The following SPDYE5 variants were observed in gnomAD, a reference collection of about 807,000 sequenced individuals.
SPDYE5 encodes speedy protein E5.
A neutral mutation model predicts 48.5 loss-of-function variants in SPDYE5; 15 were observed. The observed-to-expected ratio is 0.31, with a 90% confidence interval of 0.21 to 0.48. The LOEUF is 0.48. Ranked by LOEUF, SPDYE5 falls within the 20% of genes least tolerant of loss-of-function variation. The pLI is 0.99. For missense variants in SPDYE5, 331 were observed against 549.1 expected (o/e 0.60, Z 3.97); for synonymous variants, 116 against 200.7 (o/e 0.58, Z 3.57).
intron 3 of SPDYE5, 143 bp from the exon 4 acceptor site, chr7:75,496,531 G>C: frequency 8.6e-7 from 1 of 1,163,542 alleles, no homozygotes; most frequent in Admixed American, 2.0e-5. Context: ...CTCAGCAGAG[G>C]AGACAGACAG....
rs377104065 is a variant in SPDYE5 at position 75,501,618 on chromosome 7, C to G, written c.1012C>G (p.Arg338Gly). The G allele has an allele frequency of 1.2e-5, 20 of 1,607,846 alleles. No individual in the cohort carries two copies. Among genetic ancestry groups the G allele is most frequent in the Non-Finnish European group, 1.7e-5 (20 of 1,177,088 alleles). ...RSRIPLLRKR[R>G]FQLGRSMNLR... ...TCGCATACCCTTGCTCCGTAAGCGT[C>G]GGTTCCAGTTAGGCCGTTCCATGAA... Residue 338 changes from arginine (R) to glycine (G), a missense_variant, in exon 7 of 9, where the codon CGG becomes GGG. Transcript: ENST00000625065.
intron 8 of SPDYE5, among the ~76,000 whole-genome samples, chr7:75,502,364 T>G (rs1793190667): frequency 6.6e-6 from 1 of 151,932 alleles, no homozygotes; most frequent in Non-Finnish European, 1.5e-5. Flanking sequence ...GTTTACATCT[T>G]GTGCAGCTAA....
intron 1 of SPDYE5, among the ~76,000 whole-genome samples, 163 bp from the exon 2 acceptor site, chr7:75,493,464 T>G (rs1480376541): frequency 6.7e-6 from 1 of 149,072 alleles, no homozygotes; most frequent in Non-Finnish European, 1.5e-5. Flanking sequence ...TGCTCTGATG[T>G]GACTTTTTCA....
intron 7 of SPDYE5, 40 bp from the exon 8 acceptor site, chr7:75,501,838 G>A (rs1554483623): frequency 6.2e-7 from 1 of 1,612,056 alleles, no homozygotes. Flanking sequence ...GGGGTATCCT[G>A]GCGAGTCCCC....
chr7:75,501,439 G>A lies in SPDYE5; in HGVS notation c.833G>A (p.Arg278His), dbSNP rs782605932. 7 of 1,610,856 alleles carry A rather than the reference G, an allele frequency of 4.3e-6. No homozygotes were observed. Among genetic ancestry groups the A allele is most frequent in the South Asian group, 3.3e-5 (3 of 90,990 alleles). ...NIFHFLYGKN[R>H]SRIPLLRKRW... Reference sequence around the variant, plus strand: ...TTCCACTTCCTGTATGGGAAGAACCGCTCTCGCATACCCTTGCTCCGTAAG... The same window carrying A: ...TTCCACTTCCTGTATGGGAAGAACCACTCTCGCATACCCTTGCTCCGTAAG... The change falls in exon 7 of 9, where the codon CGC becomes CAC. Residue 278 changes from arginine (R) to histidine (H), a missense_variant. Transcript: ENST00000625065.
intron 5 of SPDYE5, among the ~76,000 whole-genome samples, 173 bp downstream of exon 5, chr7:75,498,169 T>C (rs1360215625): frequency 7.3e-6 from 1 of 137,786 alleles, no homozygotes; most frequent in Non-Finnish European, 1.5e-5. Context: ...CTGTTGCCCA[T>C]GCTGGAGGGC....
At chr7:75,494,306 G>A (rs1792843236) in intron 2 of SPDYE5, 99 bp downstream of exon 2, 1 of 1,480,746 alleles carries the variant, frequency 6.8e-7, no homozygotes, top group Non-Finnish European at 9.0e-7. Context: ...AGCACTTTGG[G>A]AGGCCGAGGC....
At chr7:75,499,836 T>A (rs1156769183) in intron 6 of SPDYE5, among the ~76,000 whole-genome samples, 15 of 41,742 alleles carry the variant, frequency 3.6e-4, no homozygotes, top group Middle Eastern at 0.014. Context: ...AATAAAAGAA[T>A]AAAACAAAAG....
chr7:75,495,503 G>A (rs1554482402), intron 3 of SPDYE5, 129 bp downstream of exon 3: 1 of 1,533,188 alleles, frequency 6.5e-7, no homozygotes, highest in East Asian at 2.4e-5. Flanking sequence ...GGAGGACTCA[G>A]AAGTGATCAC....
chr7:75,497,346 T>C (rs1197297341), intron 4 of SPDYE5, among the ~76,000 whole-genome samples: 6 of 151,230 alleles, frequency 4.0e-5, no homozygotes, highest in South Asian at 2.1e-4. Flanking sequence ...GACAGGAGAA[T>C]CGCTTAAACC....
chr7:75,502,997 C>T lies in SPDYE5; in HGVS notation c.*210C>T. On this transcript the variant is annotated 3_prime_UTR_variant, in exon 9 of 9. Transcript: ENST00000625065. ...AGTGATCACGTTGTCCTCCTAGGAGCAGGGGTGGGGGGAGGGGGGTGGGGT... is the reference window on the plus strand; with the variant it reads ...AGTGATCACGTTGTCCTCCTAGGAGTAGGGGTGGGGGGAGGGGGGTGGGGT... The T allele has an allele frequency of 2.4e-6, 1 of 414,878 alleles. No homozygotes were observed. Among genetic ancestry groups the T allele is most frequent in the East Asian group, 7.1e-5 (1 of 14,088 alleles). 25.7% of individuals were successfully genotyped at this position (414,878 alleles called of 1,614,324 possible).
intron 6 of SPDYE5, among the ~76,000 whole-genome samples, chr7:75,499,906 C>G (rs1392620266): frequency 1.4e-5 from 2 of 141,094 alleles, no homozygotes; most frequent in East Asian, 4.2e-4. Context: ...CATGCCGCTT[C>G]CTCCAGCAAG....
chr7:75,494,188 T>G lies in SPDYE5; in HGVS notation c.141T>G (p.Asp47Glu), dbSNP rs1374964674. 6.5e-7 allele frequency: 1 copy of G among 1,534,548 alleles called. No individual in the cohort carries two copies. Among genetic ancestry groups the G allele is most frequent in the Non-Finnish European group, 8.7e-7 (1 of 1,146,600 alleles). Residue 47 changes from aspartate to glutamate, a missense_variant, in exon 2 of 9, where the codon GAT (aspartate) becomes GAG (glutamate). Physicochemically the swap from Asp to Glu is conservative, Grantham distance 45. Coordinates refer to ENST00000625065, the MANE Select transcript of SPDYE5 (RefSeq NM_001306141.4). ...SGYPLQEVVD[D>E]EVLGPSAPGV... ...ACCCCCTCCAGGAGGTGGTGGATGA[T>G]GAAGTGTTGGGACCATCAGGTGAGG...
In SPDYE5 at chr7:75,503,886, A is replaced by C. The variant is rs1554483988; in HGVS notation, c.*1099A>C. ...TTTTTGAATAGATGCTGTTTCTATA[A>C]AGCTGTGTGATGGGTGTTATAACTG... is the stretch of plus-strand genomic sequence containing the variant. On this transcript the variant is annotated 3_prime_UTR_variant, in exon 9 of 9. Coordinates refer to ENST00000625065, the MANE Select transcript of SPDYE5 (RefSeq NM_001306141.4). 1 of 151,562 alleles carries C rather than the reference A, an allele frequency of 6.6e-6. No homozygotes were observed. Among genetic ancestry groups the C allele is most frequent in the African/African-American group, 2.4e-5 (1 of 41,314 alleles). 9.4% of individuals were successfully genotyped at this position (151,562 alleles called of 1,614,324 possible). A position where few individuals can be genotyped will look rare whatever the true frequency, so the allele number is the denominator to read the frequency against.
chr7:75,502,031 G>C (rs1793178905), intron 8 of SPDYE5, 49 bp downstream of exon 8: 1 of 1,527,850 alleles, frequency 6.5e-7, no homozygotes, highest in Admixed American at 1.9e-5. Flanking sequence ...GGTCTATTTC[G>C]GAAATCCGAA....
chr7:75,501,726 G>A lies in SPDYE5; in HGVS notation c.1120G>A (p.Ala374Thr). Reference sequence around the variant, plus strand: ...GTTCTTCTGTTCCATGAGCGGCAGGGCTTGGGTTTCCCCGGAGGAGTTGGA... The same window carrying A: ...GTTCTTCTGTTCCATGAGCGGCAGGACTTGGGTTTCCCCGGAGGAGTTGGA... ...FQFFCSMSGR[A>T]WVSPEELEEI... The change falls in exon 7 of 9, where the codon GCT becomes ACT. Residue 374 changes from alanine (A) to threonine (T), a missense_variant. This residue lies in a region of SPDYE5 where 101 missense variants were observed against 104.0 expected (regional missense o/e 0.97). Transcript: ENST00000625065. The A allele has an allele frequency of 6.2e-7, 1 of 1,613,282 alleles. No homozygotes were observed. The highest frequency in any genetic ancestry group is 8.5e-7 in the Non-Finnish European group (1 of 1,180,040).
intron 3 of SPDYE5, 78 bp from the exon 4 acceptor site, chr7:75,496,596 G>C (rs1345768458): frequency 1.4e-5 from 23 of 1,594,758 alleles, no homozygotes; most frequent in African/African-American, 1.1e-4. Flanking sequence ...AGGATGGAGA[G>C]TGGTTTGGGG....
rs1280664115 is a variant in SPDYE5, at chr7:75,503,469, A to G, written c.*682A>G. The G allele has an allele frequency of 1.3e-5, 2 of 153,310 alleles. No homozygotes were observed. The highest frequency in any genetic ancestry group is 4.8e-5 in the African/African-American group (2 of 41,416). The allele number at this position is 153,310 out of a possible 1,614,324, so 9.5% of individuals were successfully genotyped here. On this transcript the variant is annotated 3_prime_UTR_variant, in exon 9 of 9. Coordinates refer to ENST00000625065, the MANE Select transcript of SPDYE5 (RefSeq NM_001306141.4). Reference sequence around the variant, plus strand: ...TAAGAGACAATTCTTTTTATCCTAAATATTTTATTATCTTTAAATTTCTTT... The same window carrying G: ...TAAGAGACAATTCTTTTTATCCTAAGTATTTTATTATCTTTAAATTTCTTT...
At chr7:75,491,954 A>G (rs1378432019), upstream of SPDYE5, among the ~76,000 whole-genome samples, 3 of 151,812 alleles carry the variant, frequency 2.0e-5, no homozygotes, top group African/African-American at 4.8e-5. Flanking sequence ...ACCTCTGGTG[A>G]TCTGTCTGCC....
Sources: allele counts gnomAD v4.1 joint callset (sites outside exome capture counted in the v4.1 genomes callset), GRCh38; gene constraint gnomAD v4.1.1; regional missense constraint gnomAD v4.1.1; transcripts MANE v1.5; gene names NCBI Gene and HGNC (gene_info 2026-07-23, HGNC 2026-07-21).